The following CD163L1 variants were observed in gnomAD, a reference collection of about 807,000 sequenced individuals.
CD163L1 encodes the protein CD163 molecule like 1, also known as scavenger receptor cysteine-rich type 1 protein M160.
A neutral mutation model predicts 165.4 loss-of-function variants in CD163L1; 124 were observed. The observed-to-expected ratio is 0.75, with a 90% confidence interval of 0.65 to 0.87. The LOEUF is 0.87. Ranked by LOEUF, CD163L1 falls within the 40% of genes least tolerant of loss-of-function variation. CD163L1 has a pLI of 0.00. For missense variants in CD163L1, 1,525 were observed against 1,799.9 expected, an observed-to-expected ratio of 0.85 and a Z score of 2.76; for synonymous variants, 585 against 662.2, an observed-to-expected ratio of 0.88 and a Z score of 1.79.
chr12:7,372,846 T>A lies in CD163L1; in HGVS notation c.3730+474A>T, dbSNP rs1468147475. Among the ~76,000 whole-genome samples, 2 of 152,074 alleles carry A rather than the reference T, an allele frequency of 1.3e-5. No individual in the cohort carries two copies. The highest frequency in any genetic ancestry group is 4.8e-5 in the African/African-American group (2 of 41,424). The stretch of plus-strand genomic sequence containing the variant: ...TTCTAAAATCTCTACAATAAACATA[T>A]TAAATTTTAATCAAATAAGACAATT... On this transcript the variant is annotated intron_variant, in intron 14 of 19. Coordinates refer to ENST00000313599, the MANE Select transcript of CD163L1 (RefSeq NM_174941.6). This position sits in a 1 kb window ranked among gnomAD's most constrained non-coding sequence, Gnocchi z 4.2.
At chr12:7,382,197 T>C (rs1947425886) in intron 8 of CD163L1, among the ~76,000 whole-genome samples, 1 of 151,962 alleles carries the variant, frequency 6.6e-6, no homozygotes, top group South Asian at 2.1e-4. Context: ...GTAGTTTCTA[T>C]GGATTGGAGT....
At chr12:7,339,576 C>G in the CD163L1 span, among the ~76,000 whole-genome samples, 8 of 152,032 alleles carry the variant, frequency 5.3e-5, no homozygotes, top group African/African-American at 1.9e-4. Flanking sequence ...GATAGCTAAC[C>G]CCATGCTCAG....
chr12:7,396,522 G>T (rs931456393), intron 7 of CD163L1, 107 bp from the exon 8 acceptor site: 3 of 1,058,294 alleles, frequency 2.8e-6, no homozygotes, highest in Non-Finnish European at 4.0e-6. Flanking sequence ...CACCAGTCTA[G>T]ATGGTGCTGT....
chr12:7,367,929 T>C, intron 17 of CD163L1, 158 bp downstream of exon 17: 1 of 584,720 alleles, frequency 1.7e-6, no homozygotes. Flanking sequence ...TGGCTGATTC[T>C]TGATCATTCC....
chr12:7,328,574 T>C, the CD163L1 span: 2 of 347,060 alleles, frequency 5.8e-6, no homozygotes, highest in African/African-American at 4.4e-5. Context: ...AAAATTGTTA[T>C]AATGACCAAA....
rs761233165 is a variant in CD163L1 at position 7,368,990 on chromosome 12, G to C, written c.4040-25C>G. ...CCTGAGAGAGAGAGAGAGAGAGAGA[G>C]ACGTAAATGAACGAAAAGGAACTGG... On this transcript the variant is annotated intron_variant, in intron 15 of 19. Coordinates refer to ENST00000313599, the MANE Select transcript of CD163L1 (RefSeq NM_174941.6). The surrounding 1 kb of genome is among the most constrained non-coding windows in gnomAD (Gnocchi z 4.3). 3 of 1,599,680 alleles carry C rather than the reference G, an allele frequency of 1.9e-6. No homozygotes were observed. In the South Asian group the frequency reaches 3.3e-5, roughly 18 times the overall value.
chr12:7,329,949 G>GT, the CD163L1 span, among the ~76,000 whole-genome samples: 1 of 152,166 alleles, frequency 6.6e-6, no homozygotes, highest in East Asian at 1.9e-4. Flanking sequence ...CCACGGAGCT[G>GT]TATGTTCTGT....
intron 18 of CD163L1, among the ~76,000 whole-genome samples, chr12:7,365,787 G>C (rs4882999): frequency 0.24 from 37,027 of 151,912 alleles, 4,586 homozygotes; most frequent in South Asian, 0.38. Context: ...TATGAAGAAA[G>C]GAGAACCCTC....
At chr12:7,438,494 T>C (rs1200631191) in intron 2 of CD163L1, among the ~76,000 whole-genome samples, 1 of 152,166 alleles carries the variant, frequency 6.6e-6, no homozygotes, top group East Asian at 1.9e-4. Flanking sequence ...CTGATGAAGC[T>C]ATAAACCTGA....
chr12:7,324,444 A>T, the CD163L1 span: 1 of 1,613,920 alleles, frequency 6.2e-7, no homozygotes, highest in Non-Finnish European at 8.5e-7. Context: ...TTCGACAGGG[A>T]GGGAGATCTC....
chr12:7,358,420 A>G (rs1946824039), intron 18 of CD163L1, among the ~76,000 whole-genome samples: 1 of 152,126 alleles, frequency 6.6e-6, no homozygotes, highest in South Asian at 2.1e-4. Flanking sequence ...CTTCTTAATG[A>G]AGAACACTTC....
At chr12:7,337,923 C>G in the CD163L1 span, among the ~76,000 whole-genome samples, 1 of 152,188 alleles carries the variant, frequency 6.6e-6, no homozygotes, top group Non-Finnish European at 1.5e-5. Context: ...CCCAAATGTC[C>G]ATCAATGATA....
intron 4 of CD163L1, among the ~76,000 whole-genome samples, chr12:7,428,006 C>A (rs1948572908): frequency 6.6e-6 from 1 of 152,040 alleles, no homozygotes; most frequent in African/African-American, 2.4e-5. Flanking sequence ...TAATTTGAAG[C>A]TTTGTTTATA....
chr12:7,398,334 C>G lies in CD163L1; in HGVS notation c.1659G>C (p.Trp553Cys). Reference protein sequence around the residue: ...VSCIGNESNIWDCEHSGWGKH... With the variant: ...VSCIGNESNICDCEHSGWGKH... ...TTCCCCATCCACTGTGTTCACAGTC[C>G]CAGATATTTGACTCATTTCCAATGC... is the stretch of plus-strand genomic sequence containing the variant. The change falls in exon 7 of 20, where the codon TGG becomes TGC. Residue 553 changes from tryptophan to cysteine, a missense_variant. Physicochemically the swap from Trp to Cys is radical, Grantham distance 215 (BLOSUM62 -2). Transcript: ENST00000313599. The surrounding 1 kb of genome is among the most constrained non-coding windows in gnomAD (Gnocchi z 4.5). 6.2e-7 allele frequency: 1 copy of G among 1,614,124 alleles called. No homozygotes were observed. Among genetic ancestry groups the G allele is most frequent in the Non-Finnish European group, 8.5e-7 (1 of 1,180,000 alleles).
At chr12:7,328,394 G>A in the CD163L1 span, 4 of 1,538,614 alleles carry the variant, frequency 2.6e-6, no homozygotes, top group Non-Finnish European at 2.6e-6. Context: ...AAGCTGAAGG[G>A]TTAAGCAGTA....
At chr12:7,340,189 C>G in the CD163L1 span, among the ~76,000 whole-genome samples, 1 of 152,074 alleles carries the variant, frequency 6.6e-6, no homozygotes, top group African/African-American at 2.4e-5. Context: ...GAAGAGGTTT[C>G]CCTCATACAA....
chr12:7,357,769 T>G (rs977686822), intron 18 of CD163L1, among the ~76,000 whole-genome samples: 3 of 152,174 alleles, frequency 2.0e-5, no homozygotes, highest in Non-Finnish European at 4.4e-5. Flanking sequence ...TATTTATATT[T>G]TGATTTTAAA....
intron 2 of CD163L1, among the ~76,000 whole-genome samples, chr12:7,434,589 G>A (rs1948689942): frequency 6.6e-6 from 1 of 152,022 alleles, no homozygotes; most frequent in Admixed American, 6.6e-5. Flanking sequence ...ATATGATGAT[G>A]ATGAGAGGGT....
downstream of CD163L1, among the ~76,000 whole-genome samples, chr12:7,351,616 T>C (rs1441581762): frequency 6.6e-6 from 1 of 152,150 alleles, no homozygotes; most frequent in African/African-American, 2.4e-5. Flanking sequence ...ATTCAACATA[T>C]GAATTTTAGA....
Sources: allele counts gnomAD v4.1 joint callset (sites outside exome capture counted in the v4.1 genomes callset), GRCh38; gene constraint gnomAD v4.1.1; non-coding constraint Gnocchi (gnomAD v3.1); transcripts MANE v1.5; gene names NCBI Gene and HGNC (gene_info 2026-07-23, HGNC 2026-07-21).